Variants in N4BP2 observed in about 807,000 individuals in gnomAD.
The protein encoded by N4BP2 is NEDD4-binding protein 2.
In N4BP2, 91 loss-of-function variants were observed where a neutral mutation model predicts 152.8. The observed-to-expected ratio is 0.60, with a 90% CI of 0.50 to 0.71. The LOEUF (loss-of-function observed/expected upper bound fraction) is 0.71. Among genes scored for constraint, N4BP2 ranks in the 30% least tolerant of loss-of-function variants. The probability of loss-of-function intolerance (pLI) is 0.00; values close to 1 mark genes in which losing one functional copy is unlikely to be tolerated. For missense variants in N4BP2, 1,923 were observed against 2,059.1 expected (o/e 0.93, Z 1.28); for synonymous variants, 646 against 705.3 (o/e 0.92, Z 1.33).
the N4BP2 span, among the ~76,000 whole-genome samples, chr4:40,187,810 C>T: frequency 6.6e-6 from 1 of 152,214 alleles, no homozygotes; most frequent in African/African-American, 2.4e-5. Context: ...TCGTTCACAT[C>T]ATCAGCAGAA....
the N4BP2 span, among the ~76,000 whole-genome samples, chr4:40,174,166 T>C: frequency 8.6e-5 from 13 of 151,882 alleles, no homozygotes; most frequent in Non-Finnish European, 1.5e-4. Context: ...TGCTTGAGTC[T>C]AGGAGTTCGA....
chr4:40,110,343 C>G (rs1716752041), intron 5 of N4BP2, among the ~76,000 whole-genome samples: 1 of 152,196 alleles, frequency 6.6e-6, no homozygotes, highest in African/African-American at 2.4e-5. Flanking sequence ...GCAATCATAC[C>G]TTTTTATGTT....
Position 40,106,956 on chromosome 4 carries a change from A to T in N4BP2, c.1430A>T (p.Tyr477Phe). ...GVILSTDDYF[Y>F]INGQYQFDVK... Reference sequence around the variant, plus strand: ...ATTCTTAGTACTGATGATTATTTTTATATAAATGGACAGTACCAGTTTGAT... The same window carrying T: ...ATTCTTAGTACTGATGATTATTTTTTTATAAATGGACAGTACCAGTTTGAT... Residue 477 changes from tyrosine (Y) to phenylalanine (F), a missense_variant, in exon 5 of 18, where the codon TAT (tyrosine) becomes TTT (phenylalanine). By Grantham distance (22) the Tyr-to-Phe change is conservative (BLOSUM62 3). Transcript: ENST00000261435. The T allele has an allele frequency of 1.2e-6, 2 of 1,612,668 alleles. No homozygotes were observed. Among genetic ancestry groups the T allele is most frequent in the Non-Finnish European group, 1.7e-6 (2 of 1,178,672 alleles).
the N4BP2 span, among the ~76,000 whole-genome samples, chr4:40,171,371 T>C: frequency 1.3e-5 from 2 of 152,186 alleles, no homozygotes; most frequent in African/African-American, 4.8e-5. Context: ...CTGGTGTTGG[T>C]GCTACCTTTG....
At position 40,120,691 on chromosome 4, in the gene N4BP2, A is replaced by C; in HGVS notation, c.2580A>C (p.Ser860=). The C allele has an allele frequency of 6.2e-7, 1 of 1,614,170 alleles. No homozygotes were observed. The highest frequency in any genetic ancestry group is 8.5e-7 in the Non-Finnish European group (1 of 1,180,008). ...DGRKSQCDDA[S]EPLNSYKYDA... is the part of the protein sequence containing the mutation. ...GAAAGTCACAGTGTGATGATGCTTC[A>C]GAGCCACTCAATAGCTATAAATATG... Residue 860 remains serine, a synonymous_variant, in exon 9 of 18, where the codon TCA becomes TCC. Coordinates refer to ENST00000261435, the MANE Select transcript of N4BP2 (RefSeq NM_018177.6).
chr4:40,176,069 G>T, the N4BP2 span, among the ~76,000 whole-genome samples: 1 of 138,868 alleles, frequency 7.2e-6, no homozygotes, highest in African/African-American at 2.7e-5. Flanking sequence ...CAGCCTGGGC[G>T]ACAGAGCGAG....
chr4:40,058,769 G>GT lies in N4BP2; in HGVS notation c.-212+1749dup, dbSNP rs1044447005. ...AGCTAAATATTATCACTAGTTGCATGTTTTTTTTTTAGTATTTATTTTAAA... is the reference window on the plus strand; with the variant it reads ...AGCTAAATATTATCACTAGTTGCATGTTTTTTTTTTTAGTATTTATTTTAAA... On this transcript the variant is annotated intron_variant, in intron 1 of 17. Coordinates refer to ENST00000261435, the MANE Select transcript of N4BP2 (RefSeq NM_018177.6). Among the ~76,000 whole-genome samples, 363 of 148,548 alleles carry GT rather than the reference G, an allele frequency of 2.4e-3. 5 individuals carry two copies. The highest frequency in any genetic ancestry group is 7.9e-3 in the African/African-American group (319 of 40,568).
In N4BP2 at chr4:40,123,119, C is replaced by T; in HGVS notation, c.4199-8C>T. ...TTACATTTTCTTCCCTCCCCCTTCC[C>T]CCACAAGGGTCTCTAACAGTTGAAG... On this transcript the variant is annotated splice_region_variant and splice_polypyrimidine_tract_variant and intron_variant, in intron 9 of 17. Coordinates refer to ENST00000261435, the MANE Select transcript of N4BP2 (RefSeq NM_018177.6). 6.3e-7 allele frequency: 1 copy of T among 1,579,884 alleles called. No individual in the cohort carries two copies. The highest frequency in any genetic ancestry group is 8.7e-7 in the Non-Finnish European group (1 of 1,155,764).
intron 13 of N4BP2, among the ~76,000 whole-genome samples, chr4:40,133,878 T>C (rs1237800644): frequency 1.3e-5 from 2 of 152,158 alleles, no homozygotes; most frequent in Non-Finnish European, 2.9e-5. Context: ...CGATCTTGGC[T>C]CATTGCAGCC....
intron 13 of N4BP2, among the ~76,000 whole-genome samples, chr4:40,132,990 G>C (rs1169815757): frequency 4.6e-5 from 7 of 151,774 alleles, no homozygotes; most frequent in Non-Finnish European, 1.0e-4. Context: ...TTGGTGTCAG[G>C]CTTAATAAAA....
rs561056987 is a variant in N4BP2 at position 40,153,734 on chromosome 4, G to A, written c.5268-458G>A. 1.1e-3 allele frequency among the ~76,000 whole-genome samples: 174 copies of A among 152,296 alleles called. 1 individual carries two copies. Among genetic ancestry groups the A allele is most frequent in the African/African-American group, 3.8e-3 (159 of 41,566 alleles). On this transcript the variant is annotated intron_variant, in intron 17 of 17. Transcript: ENST00000261435. Reference sequence around the variant, plus strand: ...GTTATTTTTATAAAAGGAGTAGTTAGACCAGAACATTATGTTGAGATTAAT... The same window carrying A: ...GTTATTTTTATAAAAGGAGTAGTTAAACCAGAACATTATGTTGAGATTAAT...
intron 15 of N4BP2, among the ~76,000 whole-genome samples, chr4:40,144,020 C>A (rs1045372453): frequency 2.0e-5 from 3 of 152,038 alleles, no homozygotes; most frequent in Non-Finnish European, 4.4e-5. Flanking sequence ...GCCTCAGAAC[C>A]AGGGATACTG....
chr4:40,103,267 G>T, intron 4 of N4BP2, 49 bp downstream of exon 4: 1 of 1,483,454 alleles, frequency 6.7e-7, no homozygotes, highest in South Asian at 1.3e-5. Context: ...GTCTGAATTT[G>T]AACACAAGTA....
the N4BP2 span, among the ~76,000 whole-genome samples, chr4:40,165,736 T>A: frequency 2.6e-5 from 4 of 152,230 alleles, no homozygotes; most frequent in East Asian, 7.7e-4. Context: ...GGGCCCCTTA[T>A]GACTCAGTTT....
chr4:40,178,158 CAACA>C, the N4BP2 span, among the ~76,000 whole-genome samples: 2,511 of 151,812 alleles, frequency 0.017, 68 homozygotes, highest in African/African-American at 0.056. Context: ...AGACTGGGTC[CAACA>C]AACAAACAAA....
At chr4:40,151,423 C>T (rs544748229) in intron 16 of N4BP2, among the ~76,000 whole-genome samples, 25 of 152,086 alleles carry the variant, frequency 1.6e-4, no homozygotes, top group African/African-American at 5.3e-4. Context: ...AGGTGCGCCT[C>T]GCCATGCCCT....
At chr4:40,063,962 A>C (rs1733845044) in intron 1 of N4BP2, among the ~76,000 whole-genome samples, 1 of 151,636 alleles carries the variant, frequency 6.6e-6, no homozygotes, top group Admixed American at 6.6e-5. Context: ...TTATTTATTT[A>C]GAGAGATTGG....
At chr4:40,151,879 T>C (rs1009884658) in intron 16 of N4BP2, among the ~76,000 whole-genome samples, 11 of 152,172 alleles carry the variant, frequency 7.2e-5, no homozygotes, top group African/African-American at 2.2e-4. Context: ...GAAAAACCAT[T>C]TGTTTGTATT....
At chr4:40,075,812 T>C (rs990623554) in intron 2 of N4BP2, among the ~76,000 whole-genome samples, 1 of 152,180 alleles carries the variant, frequency 6.6e-6, no homozygotes, top group Non-Finnish European at 1.5e-5. Context: ...TTATAACAGA[T>C]AGATACATAT....
Sources: gnomAD v4.1 joint callset for allele counts (sites outside exome capture counted in the v4.1 genomes callset) on GRCh38, gnomAD v4.1.1 for gene constraint, MANE v1.5 for transcripts, NCBI Gene and HGNC (gene_info 2026-07-23, HGNC 2026-07-21) for gene names.